MED27: variants seen among roughly 807,000 people sequenced by gnomAD.
MED27 encodes mediator of RNA polymerase II transcription subunit 27.
Under a neutral mutation model 38.2 loss-of-function variants are expected in MED27, and 30 were observed. That is an observed-to-expected ratio of 0.79 (90% CI 0.59 to 1.07). MED27 has a LOEUF of 1.07. Ranked by LOEUF, MED27 falls within the 50% of genes least tolerant of loss-of-function variation. MED27 has a pLI of 0.00. For missense variants in MED27, 289 were observed against 397.5 expected (o/e 0.73, Z 2.32); for synonymous variants, 122 against 153.5 (o/e 0.79, Z 1.52).
At chr9:132,052,632 G>A (rs936383203) in intron 2 of MED27, among the ~76,000 whole-genome samples, 2 of 151,726 alleles carry the variant, frequency 1.3e-5, no homozygotes, top group Non-Finnish European at 2.9e-5. Flanking sequence ...ATACATCGTC[G>A]CTGTTAGGCA....
chr9:132,043,995 G>A (rs1833278334), intron 2 of MED27, among the ~76,000 whole-genome samples: 1 of 152,144 alleles, frequency 6.6e-6, no homozygotes, highest in Non-Finnish European at 1.5e-5. Flanking sequence ...ATGTCTTCTT[G>A]CTGATCTTTG....
chr9:131,868,598 C>T (rs546827743), intron 6 of MED27: 1 of 985,490 alleles, frequency 1.0e-6, no homozygotes, highest in East Asian at 1.1e-4. Flanking sequence ...TTACATTGGA[C>T]AGAGGAGGAG....
chr9:132,055,204 G>A (rs1226474781), intron 2 of MED27, among the ~76,000 whole-genome samples: 1 of 152,186 alleles, frequency 6.6e-6, no homozygotes, highest in Non-Finnish European at 1.5e-5. Context: ...TCAGGAGACA[G>A]GATTAAGTAT....
chr9:132,044,266 A>T (rs950440730), intron 2 of MED27, among the ~76,000 whole-genome samples: 2 of 152,176 alleles, frequency 1.3e-5, no homozygotes, highest in African/African-American at 4.8e-5. Context: ...TCTCCTCATT[A>T]AAGGAGGAAC....
chr9:131,943,664 C>T (rs899182306), intron 3 of MED27, among the ~76,000 whole-genome samples: 1 of 152,292 alleles, frequency 6.6e-6, no homozygotes, highest in South Asian at 2.1e-4. Context: ...GCAGACGCGG[C>T]GCGGAAAGAC....
intron 2 of MED27, among the ~76,000 whole-genome samples, chr9:132,053,264 A>T (rs9411435): frequency 1.1e-3 from 173 of 151,774 alleles, no homozygotes; most frequent in South Asian, 1.7e-3. Flanking sequence ...AAAAAAAAAA[A>T]AAAAAGAAAA....
At position 131,956,712 on chromosome 9, in the gene MED27, T is replaced by A. The variant is rs191041724; in HGVS notation, c.480-17238A>T. On this transcript the variant is annotated intron_variant, in intron 3 of 7. Coordinates refer to ENST00000292035, the MANE Select transcript of MED27 (RefSeq NM_004269.4). ...TTATGTGTACTTAATAAGAATTTTT[T>A]AAAAATCAATCCATGCCATGTAACT... Among the ~76,000 whole-genome samples the A allele has an allele frequency of 3.2e-3, 484 of 152,114 alleles. 2 individuals carry two copies. Among genetic ancestry groups the A allele is most frequent in the African/African-American group, 0.011 (464 of 41,484 alleles).
At chr9:131,939,968 G>A (rs1405900407) in intron 3 of MED27, among the ~76,000 whole-genome samples, 5 of 149,128 alleles carry the variant, frequency 3.4e-5, no homozygotes, top group South Asian at 2.1e-4. Context: ...GTGCAGTGGC[G>A]TGATCTCGGC....
At chr9:132,073,750 A>C (rs1309878911) in intron 2 of MED27, 1 of 1,368,574 alleles carries the variant, frequency 7.3e-7, no homozygotes, top group African/African-American at 1.5e-5. Context: ...TTTCTGTAAT[A>C]AAAAAAAAAT....
chr9:131,864,340 G>A (rs1396522516), intron 6 of MED27, among the ~76,000 whole-genome samples: 1 of 152,066 alleles, frequency 6.6e-6, no homozygotes, highest in Non-Finnish European at 1.5e-5. Context: ...AAAATTAGCT[G>A]GCTGTGATGC....
At chr9:131,961,144 C>G (rs1430975327) in intron 3 of MED27, among the ~76,000 whole-genome samples, 1 of 152,192 alleles carries the variant, frequency 6.6e-6, no homozygotes, top group African/African-American at 2.4e-5. Flanking sequence ...TCTTGCTTAT[C>G]AACATTTTTA....
intron 6 of MED27, among the ~76,000 whole-genome samples, chr9:131,882,223 A>T (rs568858018): frequency 1.3e-5 from 2 of 152,022 alleles, no homozygotes; most frequent in Non-Finnish European, 2.9e-5. Context: ...AGCCCTTATC[A>T]CCAAAAAGGG....
rs1018542034 is a variant in MED27, at chr9:131,862,676, G to A, written c.801+387C>T. On this transcript the variant is annotated intron_variant, in intron 7 of 7. Coordinates refer to ENST00000292035, the MANE Select transcript of MED27 (RefSeq NM_004269.4). The surrounding 1 kb of genome is among the most constrained non-coding windows in gnomAD (Gnocchi z 4.6). Reference sequence around the variant, plus strand: ...TGCTATCATCTCGAGCTCCAACTCCGAAAATCGAAGGAGGAAACGTCTTGG... The same window carrying A: ...TGCTATCATCTCGAGCTCCAACTCCAAAAATCGAAGGAGGAAACGTCTTGG... 2.1e-4 allele frequency among the ~76,000 whole-genome samples: 32 copies of A among 152,180 alleles called. 1 individual carries two copies. The highest frequency in any genetic ancestry group is 7.0e-4 in the African/African-American group (29 of 41,432).
chr9:131,999,330 T>C (rs566339447), intron 3 of MED27, among the ~76,000 whole-genome samples: 11 of 152,324 alleles, frequency 7.2e-5, no homozygotes, highest in Admixed American at 5.9e-4. Context: ...TCCTGTCCTA[T>C]CATGATGTGT....
chr9:131,986,998 G>GTTT (rs1256007448), intron 3 of MED27, among the ~76,000 whole-genome samples: 3 of 79,858 alleles, frequency 3.8e-5, no homozygotes, highest in Non-Finnish European at 5.1e-5. Flanking sequence ...TGAGTTCATG[G>GTTT]ATTTTTTTTT....
chr9:131,879,165 G>A (rs968041497), intron 6 of MED27, among the ~76,000 whole-genome samples: 2 of 152,228 alleles, frequency 1.3e-5, no homozygotes, highest in Non-Finnish European at 2.9e-5. Flanking sequence ...TCAGGCACGG[G>A]CCTGAGAGAA....
intron 3 of MED27, among the ~76,000 whole-genome samples, chr9:131,991,105 G>A (rs1029043012): frequency 6.6e-6 from 1 of 152,074 alleles, no homozygotes; most frequent in Non-Finnish European, 1.5e-5. Flanking sequence ...CAACCTTGAC[G>A]GTTTCTCATA....
chr9:132,052,621 T>C (rs1014262204), intron 2 of MED27, among the ~76,000 whole-genome samples: 3 of 152,068 alleles, frequency 2.0e-5, no homozygotes, highest in East Asian at 3.9e-4. Flanking sequence ...ACCTGAATAG[T>C]ATACATCGTC....
chr9:131,905,078 T>C (rs1159270424), intron 4 of MED27, among the ~76,000 whole-genome samples: 1 of 152,058 alleles, frequency 6.6e-6, no homozygotes, highest in African/African-American at 2.4e-5. Flanking sequence ...TTGGGAAAAA[T>C]CCCCCAAACT....
Sources: gnomAD v4.1 joint callset for allele counts (sites outside exome capture counted in the v4.1 genomes callset) on GRCh38, gnomAD v4.1.1 for gene constraint, Gnocchi (gnomAD v3.1) non-coding constraint, MANE v1.5 for transcripts, NCBI Gene and HGNC (gene_info 2026-07-23, HGNC 2026-07-21) for gene names.